TRAF3IP1: variants seen among roughly 807,000 people sequenced by gnomAD.
TRAF3IP1 encodes the protein TRAF3-interacting protein 1.
Under a neutral mutation model 89.9 loss-of-function variants are expected in TRAF3IP1, and 53 were observed. That is an observed-to-expected ratio of 0.59 (90% CI 0.47 to 0.74). TRAF3IP1 has a LOEUF of 0.74. Ranked by LOEUF, TRAF3IP1 falls within the 30% of genes least tolerant of loss-of-function variation. The pLI is 0.00. For missense variants in TRAF3IP1, 806 were observed against 866.1 expected (o/e 0.93, Z 0.87); for synonymous variants, 311 against 322.1 (o/e 0.97, Z 0.37).
intron 7 of TRAF3IP1, among the ~76,000 whole-genome samples, chr2:238,336,344 C>T (rs749006774): frequency 6.6e-6 from 1 of 152,112 alleles, no homozygotes; most frequent in African/African-American, 2.4e-5. Flanking sequence ...TCCTGCTAGC[C>T]GGGCACTGAC....
intron 15 of TRAF3IP1, among the ~76,000 whole-genome samples, chr2:238,360,886 AT>A (rs948400741): frequency 2.0e-5 from 3 of 151,656 alleles, no homozygotes; most frequent in African/African-American, 4.8e-5. Context: ...TCTCAAAAAA[AT>A]TTTTTTTCAT....
chr2:238,375,872 G>A (rs560104386), intron 15 of TRAF3IP1, among the ~76,000 whole-genome samples: 1 of 152,306 alleles, frequency 6.6e-6, no homozygotes, highest in South Asian at 2.1e-4. Flanking sequence ...TCCACCTGGA[G>A]TTGATTTTCC....
intron 15 of TRAF3IP1, among the ~76,000 whole-genome samples, chr2:238,390,302 A>G (rs543528978): frequency 6.6e-6 from 1 of 152,360 alleles, no homozygotes; most frequent in South Asian, 2.1e-4. Flanking sequence ...CTCTGAGCTC[A>G]GGATCACCAA....
intron 15 of TRAF3IP1, among the ~76,000 whole-genome samples, chr2:238,374,934 T>C (rs1700255078): frequency 6.6e-6 from 1 of 152,202 alleles, no homozygotes; most frequent in African/African-American, 2.4e-5. Context: ...TTTATAGTAT[T>C]CTCTGATGGT....
intron 14 of TRAF3IP1, among the ~76,000 whole-genome samples, chr2:238,355,133 C>G (rs1344755976): frequency 6.6e-6 from 1 of 152,132 alleles, no homozygotes; most frequent in African/African-American, 2.4e-5. Context: ...GTGTTGTTTA[C>G]CTTTTTAATG....
In TRAF3IP1 at chr2:238,397,308, C is replaced by T. The variant is rs576085307; in HGVS notation, c.1690-151C>T. On this transcript the variant is annotated intron_variant, in intron 15 of 16. Coordinates refer to ENST00000373327, the MANE Select transcript of TRAF3IP1 (RefSeq NM_015650.4). Reference sequence around the variant, plus strand: ...TTACTCTGTTAGGCAGCATGGCTCTCCCTTTGCATGGGAGTGAGTGTCCCA... The same window carrying T: ...TTACTCTGTTAGGCAGCATGGCTCTTCCTTTGCATGGGAGTGAGTGTCCCA... 29 of 647,576 alleles carry T rather than the reference C, an allele frequency of 4.5e-5. No individual in the cohort carries two copies. In the South Asian group the frequency reaches 4.7e-4, roughly 11 times the overall value. The allele number at this position is 647,576 out of a possible 1,614,324, so 40.1% of individuals were successfully genotyped here.
intron 15 of TRAF3IP1, among the ~76,000 whole-genome samples, chr2:238,368,740 G>A (rs536076976): frequency 6.6e-6 from 1 of 151,944 alleles, no homozygotes; most frequent in African/African-American, 2.4e-5. Flanking sequence ...GCGTGATCTC[G>A]GCTCACTGCA....
intron 5 of TRAF3IP1, among the ~76,000 whole-genome samples, chr2:238,330,339 G>A (rs1054136484): frequency 2.0e-5 from 3 of 152,228 alleles, no homozygotes; most frequent in African/African-American, 7.2e-5. Context: ...GTTTCAAACT[G>A]TTTTCTCAAT....
intron 15 of TRAF3IP1, among the ~76,000 whole-genome samples, chr2:238,356,813 C>T (rs188217425): frequency 2.0e-5 from 3 of 148,846 alleles, no homozygotes; most frequent in Non-Finnish European, 4.4e-5. Flanking sequence ...GAGTCTCGCT[C>T]TGTCGCCCAG....
rs1699186148 is a variant in TRAF3IP1, at chr2:238,351,880, TGTGC to T, written c.1452-942_1452-939del. Among the ~76,000 whole-genome samples, 1 of 146,588 alleles carries T rather than the reference TGTGC, an allele frequency of 6.8e-6. No individual in the cohort carries two copies. The highest frequency in any genetic ancestry group is 2.5e-5 in the African/African-American group (1 of 39,382). ...GTGTGTGTGTGTGCGCGCGCGCGCG[TGTGC>T]GTGCATGTGCTTGTGTGTATGCGTG... On this transcript the variant is annotated intron_variant, in intron 12 of 16. Coordinates refer to ENST00000373327, the MANE Select transcript of TRAF3IP1 (RefSeq NM_015650.4). The surrounding 1 kb of genome is among the most constrained non-coding windows in gnomAD (Gnocchi z 5.2).
chr2:238,362,580 G>T lies in TRAF3IP1; in HGVS notation c.1689+6500G>T, dbSNP rs544649095. Among the ~76,000 whole-genome samples the T allele has an allele frequency of 4.6e-5, 7 of 152,240 alleles. No individual in the cohort carries two copies. In the South Asian group the frequency reaches 8.3e-4, roughly 18 times the overall value. ...AGGGAGAAAAGGGAGGAAGGAGAAG[G>T]CCTGCCCTTCTCCTTCAGGATATTT... On this transcript the variant is annotated intron_variant, in intron 15 of 16. Transcript: ENST00000373327.
chr2:238,381,051 A>G (rs1700524861), intron 15 of TRAF3IP1, among the ~76,000 whole-genome samples: 1 of 148,666 alleles, frequency 6.7e-6, no homozygotes, highest in Admixed American at 6.7e-5. Flanking sequence ...CATCTGTCCT[A>G]TTTACAGAAT....
chr2:238,393,655 C>G (rs551962118), intron 15 of TRAF3IP1, among the ~76,000 whole-genome samples: 2 of 152,212 alleles, frequency 1.3e-5, no homozygotes, highest in East Asian at 1.9e-4. Flanking sequence ...TAGTCCATTT[C>G]GAGTTAATTT....
At chr2:238,392,133 G>T (rs749752566) in intron 15 of TRAF3IP1, among the ~76,000 whole-genome samples, 1 of 152,198 alleles carries the variant, frequency 6.6e-6, no homozygotes, top group South Asian at 2.1e-4. Context: ...TACTTTGGCA[G>T]GCTGAGGCAG....
At position 238,351,908 on chromosome 2, in the gene TRAF3IP1, T is replaced by C. The variant is rs918405445; in HGVS notation, c.1452-919T>C. ...GCGTGCATGTGCTTGTGTGTATGCG[T>C]GTGTGTGTGTGTGTGTGTGTATGCA... On this transcript the variant is annotated intron_variant, in intron 12 of 16. Coordinates refer to ENST00000373327, the MANE Select transcript of TRAF3IP1 (RefSeq NM_015650.4). This position sits in a 1 kb window ranked among gnomAD's most constrained non-coding sequence, Gnocchi z 5.2. 3.5e-5 allele frequency among the ~76,000 whole-genome samples: 5 copies of C among 141,132 alleles called. No homozygotes were observed. Among genetic ancestry groups the C allele is most frequent in the Admixed American group, 6.9e-5 (1 of 14,498 alleles). 92.6% of individuals were successfully genotyped at this position (141,132 alleles called of 152,430 possible).
chr2:238,325,244 G>T, intron 1 of TRAF3IP1, 62 bp from the exon 2 acceptor site: 1 of 1,508,794 alleles, frequency 6.6e-7, no homozygotes, highest in South Asian at 1.1e-5. Context: ...GAGTTGAGTG[G>T]ATGAGGCTGA....
chr2:238,327,330 T>G (rs1697888769), intron 3 of TRAF3IP1, among the ~76,000 whole-genome samples: 1 of 152,212 alleles, frequency 6.6e-6, no homozygotes, highest in African/African-American at 2.4e-5. Context: ...CCCTGTAGGC[T>G]TCCTATAGGC....
chr2:238,396,352 G>A (rs1006717868), intron 15 of TRAF3IP1, among the ~76,000 whole-genome samples: 10 of 137,918 alleles, frequency 7.3e-5, no homozygotes, highest in Non-Finnish European at 1.2e-4. Flanking sequence ...ACACAGGAAG[G>A]GGAACATCAC....
intron 15 of TRAF3IP1, among the ~76,000 whole-genome samples, chr2:238,361,486 T>C (rs1369417273): frequency 6.6e-6 from 1 of 152,194 alleles, no homozygotes; most frequent in African/African-American, 2.4e-5. Context: ...AGGTAGTCTC[T>C]AGTTTAGTCT....
Sources: gnomAD v4.1 joint callset for allele counts (sites outside exome capture counted in the v4.1 genomes callset) on GRCh38, gnomAD v4.1.1 for gene constraint, Gnocchi (gnomAD v3.1) non-coding constraint, MANE v1.5 for transcripts, NCBI Gene and HGNC (gene_info 2026-07-23, HGNC 2026-07-21) for gene names.